The following ADAMTS9 variants were observed in gnomAD, a reference collection of about 807,000 sequenced individuals.
The protein encoded by ADAMTS9 is A disintegrin and metalloproteinase with thrombospondin motifs 9.
Under a neutral mutation model 257.1 loss-of-function variants are expected in ADAMTS9, and 107 were observed. That is an observed-to-expected ratio of 0.42 (90% CI 0.36 to 0.49). The LOEUF (loss-of-function observed/expected upper bound fraction) is 0.49, where lower values mean the gene tolerates loss of function less well. Among genes scored for constraint, ADAMTS9 ranks in the 20% least tolerant of loss-of-function variants. The pLI is 0.03. For missense variants in ADAMTS9, 2,353 were observed against 2,469.1 expected, an observed-to-expected ratio of 0.95 and a Z score of 1.00; for synonymous variants, 982 against 880.9, an observed-to-expected ratio of 1.11 and a Z score of -2.03.
At chr3:64,650,077 A>G in intron 9 of ADAMTS9, 2 of 267,312 alleles carry the variant, frequency 7.5e-6, no homozygotes, top group Non-Finnish European at 7.0e-6. Context: ...TTCCCAATAG[A>G]CTGTAAGCTT....
At chr3:64,530,839 G>C (rs886226218) in intron 38 of ADAMTS9, among the ~76,000 whole-genome samples, 24 of 152,206 alleles carry the variant, frequency 1.6e-4, no homozygotes, top group African/African-American at 5.8e-4. Context: ...GCACTAGACA[G>C]GCAAATTTTT....
At chr3:64,570,406 A>T (rs138602874) in intron 28 of ADAMTS9, among the ~76,000 whole-genome samples, 2 of 152,328 alleles carry the variant, frequency 1.3e-5, no homozygotes, top group African/African-American at 4.8e-5. Flanking sequence ...GCTATGAGCT[A>T]CAATTATGAG....
At chr3:64,596,193 A>G (rs1439388138) in intron 27 of ADAMTS9, among the ~76,000 whole-genome samples, 2 of 152,198 alleles carry the variant, frequency 1.3e-5, no homozygotes, top group Admixed American at 6.5e-5. Context: ...CAAAGATACT[A>G]CATTATTTGC....
intron 29 of ADAMTS9, among the ~76,000 whole-genome samples, chr3:64,566,343 T>A (rs548100250): frequency 1.1e-4 from 17 of 152,336 alleles, no homozygotes; most frequent in Non-Finnish European, 2.1e-4. Context: ...TCTTGCCTGC[T>A]TTTCTTATTT....
chr3:64,618,776 T>C (rs1700028797), intron 19 of ADAMTS9, among the ~76,000 whole-genome samples: 1 of 152,200 alleles, frequency 6.6e-6, no homozygotes, highest in East Asian at 1.9e-4. Context: ...TTAAGCATCA[T>C]GTAACTCCAC....
intron 32 of ADAMTS9, among the ~76,000 whole-genome samples, chr3:64,545,707 T>G (rs1414804942): frequency 6.6e-6 from 1 of 152,128 alleles, no homozygotes; most frequent in Non-Finnish European, 1.5e-5. Flanking sequence ...TGTATACATA[T>G]GTAACATACC....
chr3:64,575,730 C>T (rs1301619972), intron 28 of ADAMTS9, among the ~76,000 whole-genome samples: 2 of 152,162 alleles, frequency 1.3e-5, no homozygotes, highest in African/African-American at 2.4e-5. Flanking sequence ...GATTTGTTCT[C>T]TGTAAGATGG....
At chr3:64,649,421 G>A (rs961222460) in intron 10 of ADAMTS9, among the ~76,000 whole-genome samples, 1 of 152,162 alleles carries the variant, frequency 6.6e-6, no homozygotes, top group Non-Finnish European at 1.5e-5. Context: ...GGACTGTCAC[G>A]AGGATGAAAT....
chr3:64,642,742 A>G (rs1700683286), intron 11 of ADAMTS9, among the ~76,000 whole-genome samples: 1 of 152,194 alleles, frequency 6.6e-6, no homozygotes, highest in Admixed American at 6.5e-5. Flanking sequence ...CAGTGGACAA[A>G]GGAAAAGTGG....
intron 21 of ADAMTS9, 109 bp from the exon 22 acceptor site, chr3:64,613,618 C>T: frequency 2.8e-6 from 3 of 1,068,594 alleles, no homozygotes; most frequent in South Asian, 1.8e-5. Flanking sequence ...CCACAGCAAT[C>T]ACTCTCCCAT....
At chr3:64,556,812 CCTTT>C (rs370625921) in intron 30 of ADAMTS9, among the ~76,000 whole-genome samples, 30 of 151,662 alleles carry the variant, frequency 2.0e-4, no homozygotes, top group African/African-American at 7.3e-4. Flanking sequence ...TTCCCTCCTT[CCTTT>C]CTCCCTCCTT....
chr3:64,574,925 C>T (rs1235985346), intron 28 of ADAMTS9, among the ~76,000 whole-genome samples: 6 of 152,170 alleles, frequency 3.9e-5, no homozygotes, highest in East Asian at 3.9e-4. Context: ...AGAGTAGCTA[C>T]GCAATGTTAA....
chr3:64,672,289 A>G (rs940325858), intron 3 of ADAMTS9, among the ~76,000 whole-genome samples: 2 of 152,216 alleles, frequency 1.3e-5, no homozygotes, highest in African/African-American at 4.8e-5. Context: ...AGGAATCCCT[A>G]AAATATGATT....
At chr3:64,607,855 C>T (rs147572158) in intron 22 of ADAMTS9, among the ~76,000 whole-genome samples, 2,290 of 152,204 alleles carry the variant, frequency 0.015, 118 homozygotes, top group Admixed American at 0.1. Context: ...TCCTCTCAAA[C>T]GTGCAGGGAT....
chr3:64,547,954 C>A (rs1388995123), intron 31 of ADAMTS9, among the ~76,000 whole-genome samples: 1 of 151,912 alleles, frequency 6.6e-6, no homozygotes, highest in Non-Finnish European at 1.5e-5. Context: ...AATAACTGGT[C>A]ATCTTTTGTA....
chr3:64,561,080 TA>T (rs2083413458), intron 30 of ADAMTS9, among the ~76,000 whole-genome samples: 1 of 151,396 alleles, frequency 6.6e-6, no homozygotes, highest in African/African-American at 2.4e-5. Context: ...TTTTTTTTTT[TA>T]AATGTTAGAA....
intron 19 of ADAMTS9, among the ~76,000 whole-genome samples, chr3:64,619,775 G>C (rs1197432245): frequency 2.0e-5 from 3 of 152,118 alleles, no homozygotes; most frequent in Non-Finnish European, 4.4e-5. Context: ...AGGCTACCCA[G>C]AAAATGTCAC....
intron 39 of ADAMTS9, among the ~76,000 whole-genome samples, chr3:64,517,378 T>G (rs1462432012): frequency 1.4e-5 from 2 of 142,836 alleles, no homozygotes; most frequent in Non-Finnish European, 3.0e-5. Flanking sequence ...TAGCTGGGTC[T>G]ACAGGTGCAA....
At chr3:64,672,093 T>C (rs922965437) in intron 3 of ADAMTS9, among the ~76,000 whole-genome samples, 1 of 152,226 alleles carries the variant, frequency 6.6e-6, no homozygotes, top group Non-Finnish European at 1.5e-5. Context: ...ACCAAAATCC[T>C]CCTGCCTCTG....
Sources: gnomAD v4.1 joint callset for allele counts (sites outside exome capture counted in the v4.1 genomes callset) on GRCh38, gnomAD v4.1.1 for gene constraint, MANE v1.5 for transcripts, NCBI Gene and HGNC (gene_info 2026-07-23, HGNC 2026-07-21) for gene names.